The following XXYLT1 variants were observed in gnomAD, a reference collection of about 807,000 sequenced individuals.
XXYLT1 encodes xyloside xylosyltransferase 1.
A neutral mutation model predicts 28.9 loss-of-function variants in XXYLT1; 20 were observed. That is an observed-to-expected ratio of 0.69 (90% CI 0.49 to 1.00). XXYLT1 has a LOEUF of 1.00. XXYLT1 is among the 50% of genes least tolerant of loss of function. The pLI, the probability that XXYLT1 is intolerant of heterozygous loss-of-function variation, is 0.00. For missense variants in XXYLT1, 542 were observed against 560.1 expected, an observed-to-expected ratio of 0.97 and a Z score of 0.33; for synonymous variants, 257 against 253.8, an observed-to-expected ratio of 1.01 and a Z score of -0.12.
intron 2 of XXYLT1, among the ~76,000 whole-genome samples, chr3:195,186,015 C>A (rs1298311935): frequency 1.3e-5 from 2 of 152,184 alleles, no homozygotes; most frequent in African/African-American, 4.8e-5. Context: ...CTCTCAACCT[C>A]CCCTCTCACC....
intron 1 of XXYLT1, among the ~76,000 whole-genome samples, chr3:195,254,442 C>T (rs564085727): frequency 1.3e-5 from 2 of 152,374 alleles, no homozygotes; most frequent in African/African-American, 4.8e-5. Context: ...ACACAGAGCC[C>T]TCTGCAGGCT....
intron 1 of XXYLT1, among the ~76,000 whole-genome samples, chr3:195,249,692 G>C (rs1305041971): frequency 6.6e-6 from 1 of 152,174 alleles, no homozygotes; most frequent in African/African-American, 2.4e-5. Context: ...CGCTTCACTT[G>C]TCCTATTTGA....
At chr3:195,189,730 A>G (rs1324032975) in intron 2 of XXYLT1, among the ~76,000 whole-genome samples, 1 of 152,216 alleles carries the variant, frequency 6.6e-6, no homozygotes, top group Non-Finnish European at 1.5e-5. Context: ...ATACCAATAT[A>G]CATGCAATGG....
At chr3:195,105,911 T>C (rs1717054659) in intron 3 of XXYLT1, among the ~76,000 whole-genome samples, 1 of 152,204 alleles carries the variant, frequency 6.6e-6, no homozygotes, top group Admixed American at 6.5e-5. Flanking sequence ...CACCTTCCCT[T>C]ACTCTCATAT....
chr3:195,156,444 C>A lies in XXYLT1; in HGVS notation c.785+5G>T. On this transcript the variant is annotated splice_donor_5th_base_variant and intron_variant, in intron 3 of 3. Coordinates refer to ENST00000310380, the MANE Select transcript of XXYLT1 (RefSeq NM_152531.5). ...GGAGGCGGCCCCCCTGCAGTCATGA[C>A]GCACCTGTAAACTGGCTGCATCTCC... is the stretch of plus-strand genomic sequence containing the variant. 8 of 1,613,282 alleles carry A rather than the reference C, an allele frequency of 5.0e-6. No homozygotes were observed. The highest frequency in any genetic ancestry group is 3.3e-4 in the Middle Eastern group (2 of 6,056).
intron 2 of XXYLT1, among the ~76,000 whole-genome samples, chr3:195,174,184 G>C (rs954208366): frequency 6.6e-6 from 1 of 152,160 alleles, no homozygotes; most frequent in African/African-American, 2.4e-5. Context: ...TCTTTGTCTA[G>C]AGACCCTTTG....
intron 1 of XXYLT1, among the ~76,000 whole-genome samples, chr3:195,244,869 A>G (rs1287393558): frequency 3.4e-5 from 5 of 146,012 alleles, no homozygotes; most frequent in Non-Finnish European, 7.6e-5. Context: ...AAAAAACAAA[A>G]AAAAACCCAC....
chr3:195,162,125 C>G (rs961748259), intron 2 of XXYLT1, among the ~76,000 whole-genome samples: 1 of 151,430 alleles, frequency 6.6e-6, no homozygotes, highest in Non-Finnish European at 1.5e-5. Context: ...TTCCACTTGA[C>G]AAATGAGGAA....
Position 195,217,604 on chromosome 3 carries a change from AAG to A in XXYLT1, c.652+9103_652+9104del, listed in dbSNP as rs1723631481. The stretch of plus-strand genomic sequence containing the variant: ...TAAAATACCTAGGAATCCAACTTAC[AAG>A]GGATGTGAAGGACCTCTTCAAGGAG... On this transcript the variant is annotated intron_variant, in intron 2 of 3. Coordinates refer to ENST00000310380, the MANE Select transcript of XXYLT1 (RefSeq NM_152531.5). Among the ~76,000 whole-genome samples, 3 of 125,754 alleles carry A rather than the reference AAG, an allele frequency of 2.4e-5. No homozygotes were observed. In the South Asian group the frequency reaches 8.8e-4, roughly 37 times the overall value. 82.5% of individuals were successfully genotyped at this position (125,754 alleles called of 152,430 possible).
intron 2 of XXYLT1, among the ~76,000 whole-genome samples, chr3:195,178,536 G>A (rs1348758705): frequency 6.6e-6 from 1 of 152,200 alleles, no homozygotes; most frequent in Non-Finnish European, 1.5e-5. Context: ...CCAGCAGGAC[G>A]CGGCCATCAA....
At position 195,180,671 on chromosome 3, in the gene XXYLT1, G is replaced by T. The variant is rs971496793; in HGVS notation, c.653-24090C>A. On this transcript the variant is annotated intron_variant, in intron 2 of 3. Coordinates refer to ENST00000310380, the MANE Select transcript of XXYLT1 (RefSeq NM_152531.5). This position sits in a 1 kb window ranked among gnomAD's most constrained non-coding sequence, Gnocchi z 5.8. Reference sequence around the variant, plus strand: ...CCCGTGCCACTGCAAACGTGACCAGGAACATGGGTCTGACAGCTCTGGACA... The same window carrying T: ...CCCGTGCCACTGCAAACGTGACCAGTAACATGGGTCTGACAGCTCTGGACA... Among the ~76,000 whole-genome samples, 9 of 152,130 alleles carry T rather than the reference G, an allele frequency of 5.9e-5. No homozygotes were observed. Among genetic ancestry groups the T allele is most frequent in the Admixed American group, 1.3e-4 (2 of 15,270 alleles).
chr3:195,143,184 G>T (rs750808740), intron 3 of XXYLT1, among the ~76,000 whole-genome samples: 1 of 152,194 alleles, frequency 6.6e-6, no homozygotes, highest in African/African-American at 2.4e-5. Flanking sequence ...AGGAGAAAAT[G>T]TTGGGAAAAA....
intron 3 of XXYLT1, among the ~76,000 whole-genome samples, chr3:195,097,835 C>T (rs1306053799): frequency 6.6e-6 from 1 of 151,850 alleles, no homozygotes; most frequent in Non-Finnish European, 1.5e-5. Context: ...ACCACGCACA[C>T]ACAAAGAAGT....
chr3:195,193,858 A>T (rs1722520088), intron 2 of XXYLT1, among the ~76,000 whole-genome samples: 1 of 152,206 alleles, frequency 6.6e-6, no homozygotes, highest in South Asian at 2.1e-4. Context: ...TAATAAAAGA[A>T]AAGAATTTGG....
At chr3:195,141,187 C>T (rs2108646844) in intron 3 of XXYLT1, among the ~76,000 whole-genome samples, 1 of 152,348 alleles carries the variant, frequency 6.6e-6, no homozygotes, top group South Asian at 2.1e-4. Context: ...GTAGCCTGAA[C>T]TAAGACACTT....
chr3:195,157,808 G>A (rs1015861492), intron 2 of XXYLT1, among the ~76,000 whole-genome samples: 2 of 152,204 alleles, frequency 1.3e-5, no homozygotes, highest in Non-Finnish European at 2.9e-5. Flanking sequence ...TACCCGGCCT[G>A]GGAATCAGAA....
At chr3:195,251,788 G>A (rs948332062) in intron 1 of XXYLT1, among the ~76,000 whole-genome samples, 5 of 152,218 alleles carry the variant, frequency 3.3e-5, no homozygotes, top group African/African-American at 1.2e-4. Flanking sequence ...AAGAGAACAT[G>A]GAATGGGAAG....
At chr3:195,156,914 G>T (rs1340640630) in intron 2 of XXYLT1, among the ~76,000 whole-genome samples, 1 of 152,102 alleles carries the variant, frequency 6.6e-6, no homozygotes, top group African/African-American at 2.4e-5. Context: ...ATCTCATTTG[G>T]ATGATACCTT....
In XXYLT1 at chr3:195,201,830, G is replaced by C. The variant is rs546422929; in HGVS notation, c.652+24879C>G. Among the ~76,000 whole-genome samples, 9 of 152,248 alleles carry C rather than the reference G, an allele frequency of 5.9e-5. No individual in the cohort carries two copies. The South Asian group carries it at 1.9e-3, about 32-fold the overall frequency. ...TTAATTCCAAGTTTGGGACTTAGCT[G>C]CTCCTCTGCTCCTCCCCTCCATCCG... On this transcript the variant is annotated intron_variant, in intron 2 of 3. Coordinates refer to ENST00000310380, the MANE Select transcript of XXYLT1 (RefSeq NM_152531.5).
Sources: gnomAD v4.1 joint callset for allele counts (sites outside exome capture counted in the v4.1 genomes callset) on GRCh38, gnomAD v4.1.1 for gene constraint, Gnocchi (gnomAD v3.1) non-coding constraint, MANE v1.5 for transcripts, NCBI Gene and HGNC (gene_info 2026-07-23, HGNC 2026-07-21) for gene names.